OR2C1: variants seen among roughly 807,000 people sequenced by gnomAD.
OR2C1 encodes olfactory receptor family 2 subfamily C member 1, also known as olfactory receptor 2C1.
For missense variants in OR2C1, 468 were observed against 388.3 expected, an observed-to-expected ratio of 1.21 and a Z score of -1.73; for synonymous variants, 209 against 167.3, an observed-to-expected ratio of 1.25 and a Z score of -1.92.
the OR2C1 span, among the ~76,000 whole-genome samples, chr16:3,335,608 C>A: frequency 6.9e-6 from 1 of 144,452 alleles, no homozygotes; most frequent in East Asian, 2.1e-4. Flanking sequence ...CTCACTGCAA[C>A]CTCCACCTCC....
At chr16:3,350,388 G>GTTGGTTTT in the OR2C1 span, among the ~76,000 whole-genome samples, 1 of 149,502 alleles carries the variant, frequency 6.7e-6, no homozygotes, top group African/African-American at 2.5e-5. Context: ...TGGTTGGTTG[G>GTTGGTTTT]TTGGTTTTTT....
At chr16:3,329,999 C>T in the OR2C1 span, among the ~76,000 whole-genome samples, 120,489 of 150,020 alleles carry the variant, frequency 0.8, 48,343 homozygotes, top group East Asian at 0.93. Context: ...GTGATCCGCC[C>T]GCCTCGGCCT....
the OR2C1 span, among the ~76,000 whole-genome samples, chr16:3,333,007 G>T: frequency 9.9e-5 from 15 of 151,844 alleles, no homozygotes; most frequent in East Asian, 2.9e-3. Context: ...AGCGTACAAG[G>T]GTTCACCTTT....
At chr16:3,334,139 A>AT in the OR2C1 span, among the ~76,000 whole-genome samples, 44 of 142,878 alleles carry the variant, frequency 3.1e-4, no homozygotes, top group African/African-American at 4.1e-4. Flanking sequence ...TGCTTTGCTA[A>AT]TTTTTTTTTT....
chr16:3,342,575 A>T, the OR2C1 span, among the ~76,000 whole-genome samples: 1 of 152,182 alleles, frequency 6.6e-6, no homozygotes, highest in African/African-American at 2.4e-5. Context: ...ATACCATGGA[A>T]TAATACTGAA....
chr16:3,326,262 C>G, the OR2C1 span, among the ~76,000 whole-genome samples: 1 of 151,858 alleles, frequency 6.6e-6, no homozygotes, highest in African/African-American at 2.4e-5. Flanking sequence ...CCTGGGACGC[C>G]GAGAACAAAC....
chr16:3,347,539 C>A, the OR2C1 span, among the ~76,000 whole-genome samples: 4 of 151,582 alleles, frequency 2.6e-5, no homozygotes, highest in Non-Finnish European at 5.9e-5. Flanking sequence ...TCCGTCCACA[C>A]CTCCACTCCT....
At chr16:3,350,877 A>G in the OR2C1 span, among the ~76,000 whole-genome samples, 2 of 151,088 alleles carry the variant, frequency 1.3e-5, no homozygotes, top group Non-Finnish European at 2.9e-5. Flanking sequence ...AAAGGATCAT[A>G]AAAGACTTCA....
At chr16:3,354,291 G>C (rs1271457655), upstream of OR2C1, among the ~76,000 whole-genome samples, 3 of 152,058 alleles carry the variant, frequency 2.0e-5, no homozygotes, top group African/African-American at 7.2e-5. Flanking sequence ...GGTCTCATGA[G>C]ATGTTAAGAA....
At chr16:3,326,328 C>G in the OR2C1 span, among the ~76,000 whole-genome samples, 1 of 152,126 alleles carries the variant, frequency 6.6e-6, no homozygotes. Flanking sequence ...AGTAAATACA[C>G]TCTCCAAAAT....
At chr16:3,350,539 G>A in the OR2C1 span, among the ~76,000 whole-genome samples, 1 of 151,176 alleles carries the variant, frequency 6.6e-6, no homozygotes, top group East Asian at 2.0e-4. Context: ...AGCCTCCCGA[G>A]TAGCTGGGAC....
chr16:3,341,459 A>C, the OR2C1 span, among the ~76,000 whole-genome samples: 1 of 152,160 alleles, frequency 6.6e-6, no homozygotes, highest in African/African-American at 2.4e-5. Context: ...ATTACCCTAC[A>C]TAAAACTTCT....
the OR2C1 span, among the ~76,000 whole-genome samples, chr16:3,350,185 A>G: frequency 0.51 from 75,296 of 149,010 alleles, 19,700 homozygotes; most frequent in East Asian, 0.79. Context: ...CCTCCCAAGC[A>G]GCTGGAATTA....
chr16:3,328,149 T>C, the OR2C1 span, among the ~76,000 whole-genome samples: 1 of 152,122 alleles, frequency 6.6e-6, no homozygotes, highest in Non-Finnish European at 1.5e-5. Context: ...AGTTACTCTA[T>C]GCTTTAACAC....
chr16:3,342,559 C>G, the OR2C1 span, among the ~76,000 whole-genome samples: 1 of 152,032 alleles, frequency 6.6e-6, no homozygotes, highest in South Asian at 2.1e-4. Flanking sequence ...CTCTGCTTAT[C>G]TATCTATACC....
At chr16:3,341,807 T>C in the OR2C1 span, among the ~76,000 whole-genome samples, 1 of 152,186 alleles carries the variant, frequency 6.6e-6, no homozygotes, top group Non-Finnish European at 1.5e-5. Context: ...GGCTTCATGA[T>C]GTAGGCGCGA....
the OR2C1 span, among the ~76,000 whole-genome samples, chr16:3,348,760 A>G: frequency 6.6e-6 from 1 of 152,178 alleles, no homozygotes; most frequent in Non-Finnish European, 1.5e-5. Flanking sequence ...CTTCTGTGAC[A>G]TCTAACGGCC....
the OR2C1 span, chr16:3,323,786 A>C: frequency 1.3e-6 from 1 of 741,852 alleles, no homozygotes; most frequent in South Asian, 1.6e-5. Context: ...CTTAAACCTG[A>C]GCCCTTTTCC....
At chr16:3,349,744 C>T in the OR2C1 span, among the ~76,000 whole-genome samples, 1 of 151,700 alleles carries the variant, frequency 6.6e-6, no homozygotes, top group Admixed American at 6.6e-5. Context: ...TTTAAAGGCA[C>T]TGATTTTGGG....
Sources: gnomAD v4.1 joint callset for allele counts (sites outside exome capture counted in the v4.1 genomes callset) on GRCh38, gnomAD v4.1.1 for gene constraint, MANE v1.5 for transcripts, NCBI Gene and HGNC (gene_info 2026-07-23, HGNC 2026-07-21) for gene names.